ARHGAP6: variants seen among roughly 807,000 people sequenced by gnomAD.
ARHGAP6 encodes Rho GTPase activating protein 6.
Under a neutral mutation model 55.7 loss-of-function variants are expected in ARHGAP6, and 16 were observed. The observed-to-expected ratio is 0.29, with a 90% CI of 0.19 to 0.44. ARHGAP6 has a LOEUF of 0.44. Ranked by LOEUF, ARHGAP6 falls within the 20% of genes least tolerant of loss-of-function variation. The pLI is 1.00. For synonymous variants in ARHGAP6, 382 were observed against 360.9 expected (o/e 1.06, Z -0.66); for missense variants, 698 against 808.9 (o/e 0.86, Z 1.66).
chrX:11,614,535 A>C (rs1295286380), intron 1 of ARHGAP6, among the ~76,000 whole-genome samples: 1 of 111,736 alleles, frequency 8.9e-6, no homozygotes, highest in East Asian at 2.8e-4. Context: ...AGCAAGGGGG[A>C]AATCTGCCCC....
intron 1 of ARHGAP6, among the ~76,000 whole-genome samples, chrX:11,652,594 C>G (rs1208725913): frequency 1.8e-5 from 2 of 112,177 alleles, no homozygotes; most frequent in Admixed American, 9.4e-5. Flanking sequence ...AGAAAGCAAG[C>G]TAGGCCAACC....
At chrX:11,283,521 T>G (rs925504970) in intron 1 of ARHGAP6, among the ~76,000 whole-genome samples, 2 of 112,281 alleles carry the variant, frequency 1.8e-5, no homozygotes, top group African/African-American at 6.5e-5. Context: ...CTCAAGAATA[T>G]GTGAATATGT....
intron 1 of ARHGAP6, among the ~76,000 whole-genome samples, chrX:11,591,730 A>C (rs1221915933): frequency 8.9e-6 from 1 of 112,205 alleles, no homozygotes; most frequent in Non-Finnish European, 1.9e-5. Flanking sequence ...TTAAATGGAC[A>C]TGATGGGTCT....
intron 1 of ARHGAP6, among the ~76,000 whole-genome samples, chrX:11,612,551 A>G (rs771974246): frequency 1.8e-5 from 2 of 112,359 alleles, no homozygotes; most frequent in East Asian, 5.6e-4. Context: ...GTGAGGGCAC[A>G]GCAAGAAGAC....
chrX:11,664,609 T>C lies in ARHGAP6; in HGVS notation c.220A>G (p.Ser74Gly). Reference protein sequence around the residue: ...RLYSPSLPAESLGPRLASSSR... With the variant: ...RLYSPSLPAEGLGPRLASSSR... ...GAGGACGCCAAGCGAGGGCCGAGAC[T>C]CTCGGCTGGGAGTGATGGGGAGTAG... Residue 74 changes from serine to glycine, a missense_variant, in exon 1 of 13, where the codon AGT becomes GGT. By Grantham distance (56) the Ser-to-Gly change is moderately conservative. Around this residue, in one of 3 missense-constraint regions of ARHGAP6, gnomAD observed 164 missense variants for 149.2 expected, o/e 1.10. Coordinates refer to ENST00000337414, the MANE Select transcript of ARHGAP6 (RefSeq NM_013427.3). 2.6e-6 allele frequency: 3 copies of C among 1,172,417 alleles called. No homozygotes were observed. The highest frequency in any genetic ancestry group is 3.4e-6 in the Non-Finnish European group (3 of 875,642).
intron 2 of ARHGAP6, among the ~76,000 whole-genome samples, chrX:11,218,939 A>C (rs1407298802): frequency 9.3e-6 from 1 of 107,747 alleles, no homozygotes. Context: ...CACATTGTGC[A>C]GGTTAGTTAC....
chrX:11,148,689 C>T (rs751872086), intron 10 of ARHGAP6: 1 of 375,106 alleles, frequency 2.7e-6, no homozygotes, highest in Admixed American at 2.5e-5. Context: ...GTGGGCAGGC[C>T]TGCACTGCAG....
At chrX:11,145,338 T>C (rs930528992) in intron 10 of ARHGAP6, among the ~76,000 whole-genome samples, 1 of 112,301 alleles carries the variant, frequency 8.9e-6, no homozygotes, top group African/African-American at 3.2e-5. Context: ...TTCACAGGGA[T>C]CTAGCTTCCT....
chrX:11,635,732 C>T (rs1025575334), intron 1 of ARHGAP6, among the ~76,000 whole-genome samples: 2 of 111,297 alleles, frequency 1.8e-5, no homozygotes, highest in African/African-American at 6.5e-5. Context: ...GCACCAATAT[C>T]CATTATTTTA....
chrX:11,529,789 T>A (rs2051029135), intron 1 of ARHGAP6, among the ~76,000 whole-genome samples: 1 of 112,051 alleles, frequency 8.9e-6, no homozygotes, highest in African/African-American at 3.2e-5. Context: ...TAGATTAAAT[T>A]TCTAATTATG....
At chrX:11,512,806 G>C (rs956261426) in intron 1 of ARHGAP6, among the ~76,000 whole-genome samples, 2 of 111,537 alleles carry the variant, frequency 1.8e-5, no homozygotes, top group Admixed American at 9.6e-5. Flanking sequence ...ATGACCTACA[G>C]CTGACTGCAC....
chrX:11,485,706 A>G (rs2050504481), intron 1 of ARHGAP6, among the ~76,000 whole-genome samples: 1 of 112,157 alleles, frequency 8.9e-6, no homozygotes, highest in Admixed American at 9.4e-5. Flanking sequence ...CCCTGTGATG[A>G]CTTGGGGCAG....
intron 1 of ARHGAP6, among the ~76,000 whole-genome samples, chrX:11,401,182 A>G (rs1260681345): frequency 9.0e-6 from 1 of 111,272 alleles, no homozygotes. Context: ...CTGGGATTGG[A>G]AGAGCATCCA....
intron 1 of ARHGAP6, among the ~76,000 whole-genome samples, chrX:11,311,795 A>G (rs900307711): frequency 1.8e-5 from 2 of 111,537 alleles, no homozygotes; most frequent in African/African-American, 6.5e-5. Context: ...TGTTGTGGGT[A>G]ATAGATGTCA....
intron 1 of ARHGAP6, among the ~76,000 whole-genome samples, chrX:11,499,099 G>A (rs759178477): frequency 1.9e-4 from 21 of 111,821 alleles, no homozygotes; most frequent in Non-Finnish European, 3.2e-4. Context: ...ATAACATCCT[G>A]GAATGAGATG....
At chrX:11,509,370 A>G (rs1167536033) in intron 1 of ARHGAP6, among the ~76,000 whole-genome samples, 1 of 112,142 alleles carries the variant, frequency 8.9e-6, no homozygotes, top group Non-Finnish European at 1.9e-5. Context: ...GGCCCAATAT[A>G]CAGCCTATAT....
At chrX:11,296,897 G>A in intron 1 of ARHGAP6, 1 of 1,112,601 alleles carries the variant, frequency 9.0e-7, no homozygotes, top group Non-Finnish European at 1.2e-6. Context: ...AAAGAATAGT[G>A]TGTTGATTCT....
intron 1 of ARHGAP6, among the ~76,000 whole-genome samples, chrX:11,591,440 A>G (rs1230208030): frequency 9.1e-6 from 1 of 109,897 alleles, no homozygotes; most frequent in Non-Finnish European, 1.9e-5. Context: ...TTATTAATCA[A>G]TAATTATTAA....
intron 1 of ARHGAP6, among the ~76,000 whole-genome samples, chrX:11,382,662 T>C (rs1481448221): frequency 2.7e-5 from 3 of 111,294 alleles, no homozygotes; most frequent in Admixed American, 1.9e-4. Flanking sequence ...ACAAAAGGTG[T>C]AGATCCCCCA....
Sources: gnomAD v4.1 joint callset for allele counts (sites outside exome capture counted in the v4.1 genomes callset) on GRCh38, gnomAD v4.1.1 for gene constraint, gnomAD v4.1.1 regional missense constraint, MANE v1.5 for transcripts, NCBI Gene and HGNC (gene_info 2026-07-23, HGNC 2026-07-21) for gene names.